Variants in ZNF311 observed in about 807,000 individuals in gnomAD.
ZNF311 encodes zinc finger protein 311.
Under a neutral mutation model 22.7 loss-of-function variants are expected in ZNF311, and 14 were observed. The ratio of observed to expected loss-of-function variants is 0.62; its 90% CI spans 0.41 to 0.96. The LOEUF (loss-of-function observed/expected upper bound fraction) is 0.96, where lower values mean the gene tolerates loss of function less well. Ranked by LOEUF, ZNF311 falls within the 40% of genes least tolerant of loss-of-function variation. The probability of loss-of-function intolerance (pLI) is 0.00; values close to 1 mark genes in which losing one functional copy is unlikely to be tolerated. For synonymous variants in ZNF311, 250 were observed against 275.3 expected (o/e 0.91, Z 0.91); for missense variants, 731 against 799.0 (o/e 0.91, Z 1.03).
At chr6:29,005,318 A>G (rs561389348), upstream of ZNF311, 1 of 145,084 alleles carries the variant, frequency 6.9e-6, no homozygotes, top group East Asian at 2.1e-4. Flanking sequence ...TCCGGTCTCA[A>G]AAAAAAAAAA....
At chr6:28,997,067 C>T (rs765124829) in intron 6 of ZNF311, among the ~76,000 whole-genome samples, 5 of 152,168 alleles carry the variant, frequency 3.3e-5, no homozygotes, top group Non-Finnish European at 7.3e-5. Context: ...CAGATTAGAT[C>T]TGTGCAATAC....
intron 3 of ZNF311, among the ~76,000 whole-genome samples, chr6:29,003,136 T>C (rs192089055): frequency 5.3e-5 from 8 of 152,344 alleles, no homozygotes; most frequent in African/African-American, 1.9e-4. Context: ...TTGGCAAAAT[T>C]ATGTTTGGGT....
chr6:28,999,434 T>C, intron 5 of ZNF311, 53 bp downstream of exon 5: 2 of 1,490,328 alleles, frequency 1.3e-6, no homozygotes, highest in Non-Finnish European at 1.8e-6. Flanking sequence ...AATAAATCAA[T>C]TAAATAATAA....
rs1007547246 is a variant in ZNF311 at position 28,996,116 on chromosome 6, T to C, written c.886A>G (p.Ile296Val). 6.2e-7 allele frequency: 1 copy of C among 1,613,232 alleles called. No individual in the cohort carries two copies. Among genetic ancestry groups the C allele is most frequent in the Non-Finnish European group, 8.5e-7 (1 of 1,180,014 alleles). Residue 296 changes from isoleucine to valine, a missense_variant, in exon 7 of 7, where the codon ATC becomes GTC. Transcript: ENST00000377179. Reference sequence around the variant, plus strand: ...TTAAAAGGTTTCTCCCCTGTGTGGATTATCCGGTGCATAGAAAGCTGATTT... The same window carrying C: ...TTAAAAGGTTTCTCCCCTGTGTGGACTATCCGGTGCATAGAAAGCTGATTT... ...TRNQLSMHRI[I>V]HTGEKPFNCT...
chr6:28,998,170 ATT>A (rs11376899), intron 6 of ZNF311, among the ~76,000 whole-genome samples: 9 of 140,362 alleles, frequency 6.4e-5, no homozygotes, highest in Non-Finnish European at 4.6e-5. Context: ...ATATTCTGAG[ATT>A]TTTTTTTTTT....
At chr6:29,004,263 A>T in intron 1 of ZNF311, 49 bp from the exon 2 acceptor site, 1 of 1,317,526 alleles carries the variant, frequency 7.6e-7, no homozygotes, top group Non-Finnish European at 9.8e-7. Flanking sequence ...AGGAAAAAAT[A>T]GGGAGTCACT....
intron 5 of ZNF311, 34 bp from the exon 6 acceptor site, chr6:28,998,872 A>G (rs755752481): frequency 1.2e-5 from 18 of 1,478,234 alleles, no homozygotes; most frequent in Non-Finnish European, 1.6e-5. Context: ...GTGTAGAGTA[A>G]CTTATAACTT....
chr6:28,994,996 T>C lies in ZNF311; in HGVS notation c.*5A>G, dbSNP rs992565233. 1.3e-6 allele frequency: 2 copies of C among 1,587,132 alleles called. No homozygotes were observed. Among genetic ancestry groups the C allele is most frequent in the Non-Finnish European group, 1.7e-6 (2 of 1,167,964 alleles). ...AAACAGAAAGTAACACCAGAATCGT[T>C]ATACTCAGGCACTGGTCAAAATACT... On this transcript the variant is annotated 3_prime_UTR_variant, in exon 7 of 7. Coordinates refer to ENST00000377179, the MANE Select transcript of ZNF311 (RefSeq NM_001382360.1).
intron 3 of ZNF311, among the ~76,000 whole-genome samples, chr6:29,000,475 G>A (rs771968465): frequency 9.2e-5 from 14 of 152,104 alleles, no homozygotes; most frequent in Non-Finnish European, 1.9e-4. Context: ...GCATGCACGC[G>A]TATGTGTGTG....
chr6:28,996,465 A>G lies in ZNF311; in HGVS notation c.537T>C (p.Pro179=). The G allele has an allele frequency of 6.2e-7, 1 of 1,609,044 alleles. No individual in the cohort carries two copies. ...CCTGAACACAAACTTCTCTAACCTT[A>G]GGATCCCGGGAATCAACTTTTAGGA... The part of the protein sequence containing the change: ...NSLLKVDSRD[P]KVREVCVQDV... Residue 179 remains proline, a synonymous_variant, in exon 7 of 7, where the codon CCT becomes CCC. Coordinates refer to ENST00000377179, the MANE Select transcript of ZNF311 (RefSeq NM_001382360.1).
rs367714280 is a variant in ZNF311 at position 28,996,387 on chromosome 6, T to C, written c.615A>G (p.Glu205=). The C allele has an allele frequency of 6.2e-7, 1 of 1,611,270 alleles. No individual in the cohort carries two copies. Among genetic ancestry groups the C allele is most frequent in the Non-Finnish European group, 8.5e-7 (1 of 1,179,936 alleles). Residue 205 remains glutamate (E), a synonymous_variant, in exon 7 of 7, where the codon GAA becomes GAG. Transcript: ENST00000377179. ...TCACTTCCTCAGAGCCTTCTTTCTCTTCTCTCAGTTTCTCCCTTATAGATG... is the reference window on the plus strand; with the variant it reads ...TCACTTCCTCAGAGCCTTCTTTCTCCTCTCTCAGTTTCTCCCTTATAGATG... ...WETSIREKLR[E]EKEGSEEVTC... is the part of the protein sequence containing the mutation.
At chr6:29,002,431 C>G (rs963086377) in intron 3 of ZNF311, among the ~76,000 whole-genome samples, 8 of 152,094 alleles carry the variant, frequency 5.3e-5, no homozygotes, top group African/African-American at 1.9e-4. Context: ...TCTCAGGATT[C>G]CTCCTCTAGA....
intron 6 of ZNF311, among the ~76,000 whole-genome samples, chr6:28,997,588 T>A (rs1380287493): frequency 6.6e-6 from 1 of 152,216 alleles, no homozygotes; most frequent in Non-Finnish European, 1.5e-5. Flanking sequence ...TAATCCATCC[T>A]CTGCACTGCT....
rs996802781 is a variant in ZNF311 at position 28,998,645 on chromosome 6, T to C, written c.415+89A>G. On this transcript the variant is annotated intron_variant, in intron 6 of 6. Transcript: ENST00000377179. The stretch of plus-strand genomic sequence containing the variant: ...TAAATGGGTTTCCTTTCTGGGCCCT[T>C]CGACTGGATGATCCACCACTGAGAA... The C allele has an allele frequency of 1.1e-4, 96 of 893,512 alleles. No individual in the cohort carries two copies. The South Asian group carries it at 1.7e-3, about 16-fold the overall frequency. The allele number at this position is 893,512 out of a possible 1,614,324, so 55.3% of individuals were successfully genotyped here. A position where few individuals can be genotyped will look rare whatever the true frequency, so the allele number is the denominator to read the frequency against.
intron 4 of ZNF311, 70 bp from the exon 5 acceptor site, chr6:28,999,683 A>T (rs1780170280): frequency 1.9e-6 from 3 of 1,550,360 alleles, no homozygotes; most frequent in Non-Finnish European, 2.6e-6. Context: ...GGCAGAAGAA[A>T]GGAATTTGCA....
Position 29,000,041 on chromosome 6 carries a change from A to G in ZNF311, c.98T>C (p.Leu33Ser). 6.2e-7 allele frequency: 1 copy of G among 1,613,246 alleles called. No homozygotes were observed. The highest frequency in any genetic ancestry group is 1.1e-5 in the South Asian group (1 of 90,708). Residue 33 changes from leucine (L) to serine (S), a missense_variant, in exon 4 of 7, where the codon TTA becomes TCA. By Grantham distance (145) the Leu-to-Ser change is moderately radical. Transcript: ENST00000377179. Reference protein sequence around the residue: ...DTQLPQESALLPAPYPAFTKD... With the variant: ...DTQLPQESALSPAPYPAFTKD... ...AGTGAAGGCAGGATATGGAGCAGGT[A>G]ATAGAGCTGAGGGAAGATAAGTAAG...
chr6:28,999,675 C>A, intron 4 of ZNF311, 62 bp from the exon 5 acceptor site: 1 of 1,567,544 alleles, frequency 6.4e-7, no homozygotes, highest in Non-Finnish European at 8.6e-7. Context: ...GAAACAGAGG[C>A]AGAAGAAAGG....
intron 4 of ZNF311, 72 bp downstream of exon 4, chr6:28,999,884 G>A (rs1780199443): frequency 1.1e-5 from 16 of 1,478,418 alleles, no homozygotes; most frequent in East Asian, 4.7e-5. Context: ...GCCAGAGAAC[G>A]CAGTGAAAAC....
rs1331568150 is a variant in ZNF311 at position 28,995,856 on chromosome 6, A to G, written c.1146T>C (p.Thr382=). 1.9e-6 allele frequency: 3 copies of G among 1,613,996 alleles called. No homozygotes were observed. Among genetic ancestry groups the G allele is most frequent in the South Asian group, 2.2e-5 (2 of 91,072 alleles). ...CCTCACATTCATATGGCTTCTCCCC[A>G]GTGTGGATTCTGCCATGGATGGTAA... ...HSLTIHGRIH[T]GEKPYECEEC... Residue 382 remains threonine, a synonymous_variant, in exon 7 of 7, where the codon ACT becomes ACC. Coordinates refer to ENST00000377179, the MANE Select transcript of ZNF311 (RefSeq NM_001382360.1). This position sits in a 1 kb window ranked among gnomAD's most constrained non-coding sequence, Gnocchi z 4.7.
Sources: gnomAD v4.1 joint callset for allele counts (sites outside exome capture counted in the v4.1 genomes callset) on GRCh38, gnomAD v4.1.1 for gene constraint, Gnocchi (gnomAD v3.1) non-coding constraint, MANE v1.5 for transcripts, NCBI Gene and HGNC (gene_info 2026-07-23, HGNC 2026-07-21) for gene names.